CELF4: variants seen among roughly 807,000 people sequenced by gnomAD.
CELF4 encodes the protein CUG-BP- and ETR-3-like factor 4.
Under a neutral mutation model 59.9 loss-of-function variants are expected in CELF4, and 18 were observed. That is an observed-to-expected ratio of 0.30 (90% CI 0.21 to 0.45). The LOEUF is 0.45. Ranked by LOEUF, CELF4 falls within the 20% of genes least tolerant of loss-of-function variation. The pLI, the probability that CELF4 is intolerant of heterozygous loss-of-function variation, is 1.00. For missense variants in CELF4, 456 were observed against 689.0 expected (o/e 0.66, Z 3.79); for synonymous variants, 261 against 267.1 (o/e 0.98, Z 0.22).
chr18:37,373,953 A>G (rs1225423091), intron 2 of CELF4, among the ~76,000 whole-genome samples: 1 of 152,220 alleles, frequency 6.6e-6, no homozygotes, highest in East Asian at 1.9e-4. Context: ...TTAATCGAAT[A>G]ATGATATTGG....
At chr18:37,292,892 A>G (rs978784140) in intron 3 of CELF4, among the ~76,000 whole-genome samples, 8 of 152,262 alleles carry the variant, frequency 5.3e-5, no homozygotes, top group Non-Finnish European at 1.0e-4. Flanking sequence ...TAAATTAGTC[A>G]TTAGTCTAAA....
intron 2 of CELF4, among the ~76,000 whole-genome samples, chr18:37,390,487 G>C (rs765318173): frequency 5.9e-5 from 9 of 152,034 alleles, no homozygotes; most frequent in Non-Finnish European, 7.4e-5. Flanking sequence ...CCCTCTGCTG[G>C]GCATGCAGGG....
intron 2 of CELF4, among the ~76,000 whole-genome samples, chr18:37,401,243 C>A (rs184129287): frequency 6.6e-6 from 1 of 152,350 alleles, no homozygotes; most frequent in Admixed American, 6.5e-5. Flanking sequence ...ATTGCAACTT[C>A]CCTTCTCCCA....
At chr18:37,442,501 T>A (rs1347074697) in intron 2 of CELF4, among the ~76,000 whole-genome samples, 2 of 152,188 alleles carry the variant, frequency 1.3e-5, no homozygotes, top group Admixed American at 6.5e-5. Context: ...AAGGGATGGC[T>A]GTCAATAGCT....
intron 10 of CELF4, among the ~76,000 whole-genome samples, chr18:37,259,485 T>C (rs563761075): frequency 2.0e-5 from 3 of 152,356 alleles, no homozygotes; most frequent in South Asian, 2.1e-4. Context: ...GGCAAGTCAC[T>C]GAACCTCTCT....
intron 2 of CELF4, among the ~76,000 whole-genome samples, chr18:37,426,601 G>C (rs1044468394): frequency 6.6e-6 from 1 of 152,230 alleles, no homozygotes; most frequent in African/African-American, 2.4e-5. Context: ...GGTGGGCGCA[G>C]GCGGGGCTGA....
At chr18:37,309,704 C>T (rs372386067) in intron 3 of CELF4, among the ~76,000 whole-genome samples, 5 of 151,960 alleles carry the variant, frequency 3.3e-5, no homozygotes, top group African/African-American at 1.2e-4. Flanking sequence ...CAGAGGTATG[C>T]GCGCCCTGGG....
intron 3 of CELF4, among the ~76,000 whole-genome samples, chr18:37,317,984 G>A (rs1415573029): frequency 2.0e-5 from 3 of 152,214 alleles, no homozygotes; most frequent in East Asian, 1.9e-4. Flanking sequence ...TGTGCTGGGC[G>A]AGGTGGAGAG....
Position 37,243,186 on chromosome 18 carries a change from C to CTTTTTTTTTTTTTTTTTTTTT in CELF4, c.*2055_*2056insAAAAAAAAAAAAAAAAAAAAA, listed in dbSNP as rs561464294. 5.6e-4 allele frequency: 56 copies of CTTTTTTTTTTTTTTTTTTTTT among 100,520 alleles called. No individual in the cohort carries two copies. The highest frequency in any genetic ancestry group is 2.0e-3 in the African/African-American group (48 of 24,102). 6.2% of individuals were successfully genotyped at this position (100,520 alleles called of 1,614,324 possible). ...TGTTTTCTTTTTTTTTTCTTTTTTT[C>CTTTTTTTTTTTTTTTTTTTTT]TTTTTTTTTTTTTTTTTTTTACATC... On this transcript the variant is annotated 3_prime_UTR_variant, in exon 13 of 13. Transcript: ENST00000420428.
intron 2 of CELF4, among the ~76,000 whole-genome samples, chr18:37,425,599 A>C (rs2099607025): frequency 1.3e-5 from 2 of 152,270 alleles, no homozygotes. Context: ...CTATTAAGTC[A>C]TTCGTAATTA....
At chr18:37,315,643 T>G (rs576169204) in intron 3 of CELF4, among the ~76,000 whole-genome samples, 118 of 152,280 alleles carry the variant, frequency 7.7e-4, no homozygotes, top group Middle Eastern at 6.8e-3. Context: ...CAGTGTGCCA[T>G]GCACTCATGG....
intron 1 of CELF4, among the ~76,000 whole-genome samples, chr18:37,563,081 T>C (rs1027141407): frequency 9.3e-5 from 14 of 150,400 alleles, no homozygotes; most frequent in African/African-American, 3.4e-4. Context: ...ATATAAAATA[T>C]ATGTAATATA....
At chr18:37,397,790 G>A (rs944455885) in intron 2 of CELF4, among the ~76,000 whole-genome samples, 1 of 152,222 alleles carries the variant, frequency 6.6e-6, no homozygotes, top group Non-Finnish European at 1.5e-5. Context: ...CTCAGCTGGG[G>A]TAGAGTGGAG....
At chr18:37,546,732 T>C (rs2099981526) in intron 1 of CELF4, among the ~76,000 whole-genome samples, 1 of 152,094 alleles carries the variant, frequency 6.6e-6, no homozygotes, top group Non-Finnish European at 1.5e-5. Flanking sequence ...AACCACAGGA[T>C]GCAGTGTAAA....
intron 2 of CELF4, among the ~76,000 whole-genome samples, chr18:37,483,144 G>A (rs534995611): frequency 2.3e-4 from 35 of 152,242 alleles, no homozygotes; most frequent in Admixed American, 6.5e-4. Context: ...GCTTGGTCCC[G>A]TCCCTGCATT....
At chr18:37,321,264 G>A (rs560560638) in intron 3 of CELF4, among the ~76,000 whole-genome samples, 9 of 152,292 alleles carry the variant, frequency 5.9e-5, no homozygotes, top group African/African-American at 1.9e-4. Flanking sequence ...TAGGACAAGC[G>A]TCTGTGGAGT....
At chr18:37,467,540 G>A (rs2099811985) in intron 2 of CELF4, among the ~76,000 whole-genome samples, 1 of 152,160 alleles carries the variant, frequency 6.6e-6, no homozygotes, top group Non-Finnish European at 1.5e-5. Flanking sequence ...GTGGCACAGA[G>A]GATGGTATTG....
intron 2 of CELF4, among the ~76,000 whole-genome samples, chr18:37,410,700 C>T (rs1044381265): frequency 3.3e-5 from 5 of 152,200 alleles, no homozygotes; most frequent in African/African-American, 1.2e-4. Flanking sequence ...TGCCTGTGTG[C>T]ATGTATGACC....
At chr18:37,289,310 A>G (rs936648518) in intron 3 of CELF4, among the ~76,000 whole-genome samples, 2 of 151,704 alleles carry the variant, frequency 1.3e-5, no homozygotes, top group South Asian at 4.2e-4. Flanking sequence ...GGGTGGGGAG[A>G]AGGATGGAAA....
Sources: allele counts gnomAD v4.1 joint callset (sites outside exome capture counted in the v4.1 genomes callset), GRCh38; gene constraint gnomAD v4.1.1; transcripts MANE v1.5; gene names NCBI Gene and HGNC (gene_info 2026-07-23, HGNC 2026-07-21).